APOL1: variants seen among roughly 807,000 people sequenced by gnomAD.
The protein encoded by APOL1 is apolipoprotein L 1.
Under a neutral mutation model 14.9 loss-of-function variants are expected in APOL1, and 17 were observed. That is an observed-to-expected ratio of 1.14 (90% CI 0.78 to 1.71). The LOEUF is 1.71. Ranked by LOEUF, APOL1 falls within the 40% of genes most tolerant of loss-of-function variation. APOL1 has a pLI of 0.00. For synonymous variants in APOL1, 195 were observed against 184.8 expected (o/e 1.05, Z -0.45); for missense variants, 523 against 485.9 (o/e 1.08, Z -0.72).
intron 5 of APOL1, among the ~76,000 whole-genome samples, chr22:36,264,485 T>A (rs2016169928): frequency 6.6e-6 from 1 of 152,182 alleles, no homozygotes; most frequent in Non-Finnish European, 1.5e-5. Flanking sequence ...GGTCTCTTTG[T>A]CTCACTCTCA....
chr22:36,253,394 G>A (rs1294186190), intron 1 of APOL1, among the ~76,000 whole-genome samples, 175 bp downstream of exon 1: 1 of 152,208 alleles, frequency 6.6e-6, no homozygotes, highest in South Asian at 2.1e-4. Flanking sequence ...AAACTATAGA[G>A]GGTTGGGGAA....
chr22:36,262,685 G>A (rs1315793665), intron 5 of APOL1, among the ~76,000 whole-genome samples: 2 of 152,146 alleles, frequency 1.3e-5, no homozygotes, highest in Non-Finnish European at 2.9e-5. Flanking sequence ...CATGTGAGTG[G>A]GAGAGGGATA....
chr22:36,265,067 T>G, intron 5 of APOL1, 84 bp from the exon 6 acceptor site: 1 of 1,546,760 alleles, frequency 6.5e-7, no homozygotes, highest in Non-Finnish European at 8.8e-7. Flanking sequence ...CGCCTTGGCC[T>G]CCCAAAGTGC....
In APOL1 at chr22:36,267,374, C is replaced by T. The variant is rs1326470481; in HGVS notation, c.*1341C>T. The T allele has an allele frequency of 6.6e-6, 1 of 152,248 alleles. No homozygotes were observed. Among genetic ancestry groups the T allele is most frequent in the Admixed American group, 6.5e-5 (1 of 15,276 alleles). The allele number at this position is 152,248 out of a possible 1,614,324, so 9.4% of individuals were successfully genotyped here. A position where few individuals can be genotyped will look rare whatever the true frequency, so the allele number is the denominator to read the frequency against. ...GTATGTGAGAACCAACCAATGAAAACAGTCCCATCGCTCTTACCCGGTAAG... is the reference window on the plus strand; with the variant it reads ...GTATGTGAGAACCAACCAATGAAAATAGTCCCATCGCTCTTACCCGGTAAG... On this transcript the variant is annotated 3_prime_UTR_variant, in exon 6 of 6. Transcript: ENST00000397278.
intron 1 of APOL1, 88 bp from the exon 2 acceptor site, chr22:36,254,849 C>A: frequency 1.9e-6 from 3 of 1,546,092 alleles, no homozygotes; most frequent in East Asian, 2.3e-5. Flanking sequence ...GGTGATAGAG[C>A]GAGACTCCAT....
intron 4 of APOL1, among the ~76,000 whole-genome samples, chr22:36,260,559 A>T (rs1331916004): frequency 6.6e-6 from 1 of 152,212 alleles, no homozygotes; most frequent in Admixed American, 6.5e-5. Context: ...TGACTTCAGG[A>T]GTAATCCTGC....
chr22:36,265,407 C>A lies in APOL1; in HGVS notation c.571C>A (p.Leu191Ile). The stretch of plus-strand genomic sequence containing the variant: ...CAGCATTTCCTCTGGCATCCTGACC[C>A]TCGTCGGCATGGGTCTGGCACCCTT... Reference protein sequence around the residue: ...SLSISSGILTLVGMGLAPFTE... With the variant: ...SLSISSGILTIVGMGLAPFTE... Residue 191 changes from leucine to isoleucine, a missense_variant, in exon 6 of 6, where the codon CTC becomes ATC. Transcript: ENST00000397278. 6.2e-7 allele frequency: 1 copy of A among 1,613,702 alleles called. No individual in the cohort carries two copies. The highest frequency in any genetic ancestry group is 8.5e-7 in the Non-Finnish European group (1 of 1,179,782).
intron 4 of APOL1, chr22:36,259,980 T>C: frequency 8.7e-7 from 1 of 1,148,330 alleles, no homozygotes; most frequent in South Asian, 1.6e-5. Flanking sequence ...AGTTTTAATG[T>C]TAAGGAGTTT....
At position 36,265,845 on chromosome 22, in the gene APOL1, G is replaced by C. The variant is rs16996616; in HGVS notation, c.1009G>C (p.Asp337His). 5 of 1,614,066 alleles carry C rather than the reference G, an allele frequency of 3.1e-6. No individual in the cohort carries two copies. The highest frequency in any genetic ancestry group is 1.6e-4 in the Middle Eastern group (1 of 6,084). Residue 337 changes from aspartate to histidine, a missense_variant, in exon 6 of 6, where the codon GAT becomes CAT. Transcript: ENST00000397278. ...LEMSRGVKLT[D>H]VAPVSFFLVL... ...AATGAGCAGAGGAGTCAAGCTCACG[G>C]ATGTGGCCCCTGTAAGCTTCTTTCT... is the stretch of plus-strand genomic sequence containing the variant.
In APOL1 at chr22:36,266,706, C is replaced by T. The variant is rs760191250; in HGVS notation, c.*673C>T. The stretch of plus-strand genomic sequence containing the variant: ...GGATCACGAGGTCAGGAGATCGAGA[C>T]CATCCTGGCTAACACAGTGAAACCC... On this transcript the variant is annotated 3_prime_UTR_variant, in exon 6 of 6. Coordinates refer to ENST00000397278, the MANE Select transcript of APOL1 (RefSeq NM_003661.4). 31 of 352,902 alleles carry T rather than the reference C, an allele frequency of 8.8e-5. No individual in the cohort carries two copies. The highest frequency in any genetic ancestry group is 8.6e-4 in the South Asian group (6 of 7,010). The allele number at this position is 352,902 out of a possible 1,614,324, so 21.9% of individuals were successfully genotyped here.
In APOL1 at chr22:36,265,646, C is replaced by A; in HGVS notation, c.810C>A (p.Gly270=). ...TATCCAACTTTCTTTCCTTAGCTGG[C>A]AATACTTACCAACTCACACGAGGCA... The part of the protein sequence containing the change: ...ENISNFLSLA[G]NTYQLTRGIG... The change falls in exon 6 of 6, where the codon GGC becomes GGA. Residue 270 remains glycine (G), a synonymous_variant. Coordinates refer to ENST00000397278, the MANE Select transcript of APOL1 (RefSeq NM_003661.4). The A allele has an allele frequency of 6.3e-7, 1 of 1,597,058 alleles. No homozygotes were observed. The highest frequency in any genetic ancestry group is 8.5e-7 in the Non-Finnish European group (1 of 1,171,650).
intron 5 of APOL1, among the ~76,000 whole-genome samples, chr22:36,263,143 T>G (rs1360768922): frequency 6.6e-6 from 1 of 152,066 alleles, no homozygotes; most frequent in African/African-American, 2.4e-5. Flanking sequence ...ACCTGGAAGG[T>G]TGGGGGTGCA....
chr22:36,253,237 G>T lies in APOL1; in HGVS notation c.-20+18G>T. On this transcript the variant is annotated intron_variant, in intron 1 of 5. Transcript: ENST00000397278. The stretch of plus-strand genomic sequence containing the variant: ...ATTCCTTGGTAAGTTGGGGACAGTT[G>T]ACCTGCCTCCATCTTATTCTCACAG... The T allele has an allele frequency of 2.3e-6, 1 of 427,176 alleles. No homozygotes were observed. Among genetic ancestry groups the T allele is most frequent in the Admixed American group, 2.6e-5 (1 of 38,412 alleles). The allele number at this position is 427,176 out of a possible 1,614,324, so 26.5% of individuals were successfully genotyped here.
In APOL1 at chr22:36,265,301, A is replaced by G. The variant is rs201870882; in HGVS notation, c.465A>G (p.Ile155Met). 2 of 1,613,734 alleles carry G rather than the reference A, an allele frequency of 1.2e-6. No homozygotes were observed. The highest frequency in any genetic ancestry group is 1.7e-5 in the Admixed American group (1 of 59,946). The part of the protein sequence containing the change: ...PRLKSELEDN[I>M]RRLRALADGV... Reference sequence around the variant, plus strand: ...TGAAAAGTGAGCTTGAGGATAACATAAGAAGGCTCCGTGCCCTTGCAGATG... The same window carrying G: ...TGAAAAGTGAGCTTGAGGATAACATGAGAAGGCTCCGTGCCCTTGCAGATG... The change falls in exon 6 of 6, where the codon ATA (isoleucine) becomes ATG (methionine). Residue 155 changes from isoleucine (I) to methionine (M), a missense_variant. By Grantham distance (10) the Ile-to-Met change is conservative (BLOSUM62 1). Transcript: ENST00000397278.
chr22:36,257,570 T>A, intron 4 of APOL1, 163 bp downstream of exon 4: 1 of 721,332 alleles, frequency 1.4e-6, no homozygotes. Flanking sequence ...GACCCAGGGG[T>A]CTGGGGGTCA....
intron 1 of APOL1, among the ~76,000 whole-genome samples, chr22:36,253,583 G>A (rs1424035868): frequency 6.6e-6 from 1 of 152,212 alleles, no homozygotes; most frequent in African/African-American, 2.4e-5. Context: ...TGTTCTTATG[G>A]CCAGGCCACA....
At position 36,257,348 on chromosome 22, in the gene APOL1, A is replaced by G. The variant is rs748410527; in HGVS notation, c.128A>G (p.Asp43Gly). Residue 43 changes from aspartate (D) to glycine (G), a missense_variant, in exon 4 of 6, where the codon GAT (aspartate) becomes GGT (glycine). Asp to Gly is a moderately conservative substitution (Grantham distance 94, BLOSUM62 -1). Transcript: ENST00000397278. ...RVQQNVPSGTDTGDPQSKPLG... is the reference protein window; with the variant it reads ...RVQQNVPSGTGTGDPQSKPLG... ...CAACAAAACGTTCCAAGTGGGACAG[A>G]TACTGGAGATCCTCAAAGTAAGCCC... is the stretch of plus-strand genomic sequence containing the variant. 25 of 1,614,066 alleles carry G rather than the reference A, an allele frequency of 1.5e-5. No homozygotes were observed. Among genetic ancestry groups the G allele is most frequent in the Middle Eastern group, 1.6e-4 (1 of 6,084 alleles).
rs917304235 is a variant in APOL1, at chr22:36,266,707, C to T, written c.*674C>T. 5.7e-6 allele frequency: 2 copies of T among 351,878 alleles called. No homozygotes were observed. The highest frequency in any genetic ancestry group is 1.0e-5 in the Non-Finnish European group (2 of 195,086). 21.8% of individuals were successfully genotyped at this position (351,878 alleles called of 1,614,324 possible). A position where few individuals can be genotyped will look rare whatever the true frequency, so the allele number is the denominator to read the frequency against. On this transcript the variant is annotated 3_prime_UTR_variant, in exon 6 of 6. Coordinates refer to ENST00000397278, the MANE Select transcript of APOL1 (RefSeq NM_003661.4). ...GATCACGAGGTCAGGAGATCGAGAC[C>T]ATCCTGGCTAACACAGTGAAACCCC... is the stretch of plus-strand genomic sequence containing the variant.
Position 36,261,734 on chromosome 22 carries a change from G to A in APOL1, c.314+12G>A. On this transcript the variant is annotated intron_variant, in intron 5 of 5. Coordinates refer to ENST00000397278, the MANE Select transcript of APOL1 (RefSeq NM_003661.4). Reference sequence around the variant, plus strand: ...GCTGAACTGCCCAGGTAAGCTCCATGGGGTTACCTCCATTGGGCACTCCGG... The same window carrying A: ...GCTGAACTGCCCAGGTAAGCTCCATAGGGTTACCTCCATTGGGCACTCCGG... 1 of 1,612,758 alleles carries A rather than the reference G, an allele frequency of 6.2e-7. No individual in the cohort carries two copies.
Sources: gnomAD v4.1 joint callset for allele counts (sites outside exome capture counted in the v4.1 genomes callset) on GRCh38, gnomAD v4.1.1 for gene constraint, MANE v1.5 for transcripts, NCBI Gene and HGNC (gene_info 2026-07-23, HGNC 2026-07-21) for gene names.